Variants in UBN1 observed in about 807,000 individuals in gnomAD.
UBN1 encodes the protein ubinuclein 1.
Under a neutral mutation model 108.5 loss-of-function variants are expected in UBN1, and 17 were observed. The ratio of observed to expected loss-of-function variants is 0.16; its 90% CI spans 0.11 to 0.24. UBN1 has a LOEUF of 0.24. Ranked by LOEUF, UBN1 falls within the 10% of genes least tolerant of loss-of-function variation. The probability of loss-of-function intolerance (pLI) is 1.00; values close to 1 mark genes in which losing one functional copy is unlikely to be tolerated. For synonymous variants in UBN1, 726 were observed against 564.2 expected, an observed-to-expected ratio of 1.29 and a Z score of -4.07; for missense variants, 1,595 against 1,394.4, an observed-to-expected ratio of 1.14 and a Z score of -2.29.
chr16:4,871,446 A>G lies in UBN1; in HGVS notation c.1706+145A>G, dbSNP rs1175378548. On this transcript the variant is annotated intron_variant, in intron 12 of 17. Transcript: ENST00000262376. The stretch of plus-strand genomic sequence containing the variant: ...GATCTCACCTGAGTAACTGGGGGAC[A>G]TGCAGGTAGCTGGGAAAGGGTCTTC... The G allele has an allele frequency of 3.3e-6, 4 of 1,205,012 alleles. No homozygotes were observed. In the East Asian group the frequency reaches 7.8e-5, roughly 23 times the overall value. 74.6% of individuals were successfully genotyped at this position (1,205,012 alleles called of 1,614,324 possible).
chr16:4,867,823 C>T (rs2087411625), intron 7 of UBN1, among the ~76,000 whole-genome samples: 2 of 152,090 alleles, frequency 1.3e-5, no homozygotes, highest in East Asian at 3.8e-4. Flanking sequence ...TTGATCCCTT[C>T]ATTCTAGATA....
intron 7 of UBN1, among the ~76,000 whole-genome samples, chr16:4,862,809 G>A (rs1055097018): frequency 6.6e-6 from 1 of 152,220 alleles, no homozygotes; most frequent in Non-Finnish European, 1.5e-5. Flanking sequence ...GTGCAAGAAA[G>A]CGGAGCTGAG....
intron 2 of UBN1, among the ~76,000 whole-genome samples, chr16:4,853,532 A>C (rs890053323): frequency 8.6e-5 from 13 of 151,318 alleles, no homozygotes; most frequent in African/African-American, 1.9e-4. Context: ...AGACAAAAAA[A>C]CACGTAGACT....
chr16:4,874,808 C>T lies in UBN1; in HGVS notation c.2398C>T (p.Pro800Ser). The stretch of plus-strand genomic sequence containing the variant: ...CGGGCCCCAAGTGGCAGTTCCTGTG[C>T]CTGGCCCCCAGGTCAAAGTCTTTCA... Reference protein sequence around the residue: ...SHGPQVAVPVPGPQVKVFHAG... With the variant: ...SHGPQVAVPVSGPQVKVFHAG... The change falls in exon 15 of 18, where the codon CCT (proline) becomes TCT (serine). Residue 800 changes from proline to serine, a missense_variant. Pro to Ser is a moderately conservative substitution (Grantham distance 74). This residue lies in a region of UBN1 where 1,398 missense variants were observed against 1,194.7 expected (regional missense o/e 1.17). Coordinates refer to ENST00000262376, the MANE Select transcript of UBN1 (RefSeq NM_001079514.3). 6.2e-7 allele frequency: 1 copy of T among 1,614,096 alleles called. No homozygotes were observed. Among genetic ancestry groups the T allele is most frequent in the South Asian group, 1.1e-5 (1 of 91,092 alleles).
chr16:4,858,522 G>C, intron 3 of UBN1, 46 bp from the exon 4 acceptor site: 3 of 1,560,430 alleles, frequency 1.9e-6, no homozygotes, highest in Non-Finnish European at 2.6e-6. Flanking sequence ...AGTTAATTCT[G>C]TGTGTTTATT....
At chr16:4,853,393 A>G (rs2086644718) in intron 2 of UBN1, among the ~76,000 whole-genome samples, 1 of 151,936 alleles carries the variant, frequency 6.6e-6, no homozygotes, top group Admixed American at 6.6e-5. Flanking sequence ...AAAACAATAC[A>G]TTTTTCTCTG....
At position 4,862,501 on chromosome 16, in the gene UBN1, C is replaced by T. The variant is rs547858057; in HGVS notation, c.1110+1399C>T. Among the ~76,000 whole-genome samples the T allele has an allele frequency of 3.9e-5, 6 of 152,330 alleles. No homozygotes were observed. In the South Asian group the frequency reaches 1.2e-3, roughly 32 times the overall value. ...TCTGAACTTGGTGTTTTTGAGCCTGCTGTCCTATATTTGCTCTCAGAATTC... is the reference window on the plus strand; with the variant it reads ...TCTGAACTTGGTGTTTTTGAGCCTGTTGTCCTATATTTGCTCTCAGAATTC... On this transcript the variant is annotated intron_variant, in intron 7 of 17. Coordinates refer to ENST00000262376, the MANE Select transcript of UBN1 (RefSeq NM_001079514.3).
chr16:4,872,386 A>G, intron 12 of UBN1: 6 of 974,232 alleles, frequency 6.2e-6, no homozygotes, highest in Non-Finnish European at 7.2e-6. Flanking sequence ...TTGGGCAGCC[A>G]GTGTGTCCCA....
chr16:4,872,954 C>T lies in UBN1; in HGVS notation c.1757+20C>T. 1 of 1,614,218 alleles carries T rather than the reference C, an allele frequency of 6.2e-7. No homozygotes were observed. The highest frequency in any genetic ancestry group is 8.5e-7 in the Non-Finnish European group (1 of 1,180,036). The stretch of plus-strand genomic sequence containing the variant: ...AATCCTGTGAGTGTCTTGGTATTTT[C>T]ACATCTCGGGACAAGTGTTGTTTTT... On this transcript the variant is annotated intron_variant, in intron 13 of 17. Transcript: ENST00000262376.
At position 4,874,445 on chromosome 16, in the gene UBN1, G is replaced by A; in HGVS notation, c.2035G>A (p.Glu679Lys). The A allele has an allele frequency of 6.2e-6, 10 of 1,613,504 alleles. No homozygotes were observed. The highest frequency in any genetic ancestry group is 8.5e-6 in the Non-Finnish European group (10 of 1,179,858). The stretch of plus-strand genomic sequence containing the variant: ...CTCCTCGGTGGAAGCCGTGTCCAAG[G>A]AATTGGCTGCATTGAATAGCAGAGC... ...PASSVEAVSK[E>K]LAALNSRAAG... Residue 679 changes from glutamate to lysine, a missense_variant, in exon 15 of 18, where the codon GAA becomes AAA. Glu to Lys is a moderately conservative substitution (Grantham distance 56). Transcript: ENST00000262376.
rs755708762 is a variant in UBN1 at position 4,853,039 on chromosome 16, C to G, written c.122C>G (p.Ala41Gly). The G allele has an allele frequency of 3.1e-6, 5 of 1,614,222 alleles. No individual in the cohort carries two copies. The highest frequency in any genetic ancestry group is 4.2e-6 in the Non-Finnish European group (5 of 1,180,048). The stretch of plus-strand genomic sequence containing the variant: ...GAACAGCATCAGGACTGTGAGCCGG[C>G]TGCAGCAGCTGTTCGGATTACACTC... ...AGEQHQDCEP[A>G]AAAVRITLTL... Residue 41 changes from alanine to glycine, a missense_variant, in exon 2 of 18, where the codon GCT (alanine) becomes GGT (glycine). By Grantham distance (60) the Ala-to-Gly change is moderately conservative. This residue lies in a region of UBN1 where 181 missense variants were observed against 157.3 expected (regional missense o/e 1.15). Coordinates refer to ENST00000262376, the MANE Select transcript of UBN1 (RefSeq NM_001079514.3).
At chr16:4,878,449 C>T (rs1325770808) in intron 17 of UBN1, among the ~76,000 whole-genome samples, 1 of 152,172 alleles carries the variant, frequency 6.6e-6, no homozygotes, top group African/African-American at 2.4e-5. Flanking sequence ...TGTGCTGTGG[C>T]TCCCTGGCAC....
intron 1 of UBN1, among the ~76,000 whole-genome samples, chr16:4,849,810 T>C (rs1412355438): frequency 6.6e-6 from 1 of 151,716 alleles, no homozygotes; most frequent in African/African-American, 2.4e-5. Context: ...TTGTCCAGGC[T>C]GGTCTTAAAC....
chr16:4,877,286 T>TG lies in UBN1; in HGVS notation c.3266-97dup. ...TTTGGGTGTGGTGCCCAGACTGGCC[T>TG]GGCAGGTTATCGGGGGCTTTTGGCT... On this transcript the variant is annotated intron_variant, in intron 16 of 17. Transcript: ENST00000262376. The surrounding 1 kb of genome is among the most constrained non-coding windows in gnomAD (Gnocchi z 4.3). 6.5e-7 allele frequency: 1 copy of TG among 1,532,034 alleles called. No individual in the cohort carries two copies. The highest frequency in any genetic ancestry group is 8.8e-7 in the Non-Finnish European group (1 of 1,134,620). The allele number at this position is 1,532,034 out of a possible 1,614,324, so 94.9% of individuals were successfully genotyped here.
At chr16:4,867,619 C>T (rs758059663) in intron 7 of UBN1, among the ~76,000 whole-genome samples, 2 of 152,106 alleles carry the variant, frequency 1.3e-5, no homozygotes, top group Non-Finnish European at 2.9e-5. Context: ...TTTTGAAGCC[C>T]TGAGGGGGAA....
chr16:4,865,627 G>A lies in UBN1; in HGVS notation c.1111-3206G>A, dbSNP rs189262279. Among the ~76,000 whole-genome samples the A allele has an allele frequency of 1.1e-3, 165 of 152,220 alleles. 1 individual carries two copies. Among genetic ancestry groups the A allele is most frequent in the Middle Eastern group, 3.4e-3 (1 of 294 alleles). ...TCAAGGCTGTATGAGCTGCGATCAC[G>A]TCACTGCACTCCAGAATGGGTGACA... On this transcript the variant is annotated intron_variant, in intron 7 of 17. Transcript: ENST00000262376.
chr16:4,869,665 G>A (rs1567933843), intron 8 of UBN1, among the ~76,000 whole-genome samples: 1 of 152,214 alleles, frequency 6.6e-6, no homozygotes, highest in Non-Finnish European at 1.5e-5. Context: ...GAGAGCACCT[G>A]AGCATTGGTG....
rs116463626 is a variant in UBN1, at chr16:4,877,148, C to A, written c.3265+37C>A. 2 of 1,566,558 alleles carry A rather than the reference C, an allele frequency of 1.3e-6. No individual in the cohort carries two copies. The highest frequency in any genetic ancestry group is 2.7e-5 in the African/African-American group (2 of 73,588). ...TTTGCTGCCTCTGGTCACTCAGGAA[C>A]CTCTAGATTGTGGCCAGGGGTCCTG... On this transcript the variant is annotated intron_variant, in intron 16 of 17. Transcript: ENST00000262376. The surrounding 1 kb of genome is among the most constrained non-coding windows in gnomAD (Gnocchi z 4.3).
Position 4,874,338 on chromosome 16 carries a change from C to T in UBN1, c.1928C>T (p.Ser643Phe). The T allele has an allele frequency of 6.2e-7, 1 of 1,614,184 alleles. No homozygotes were observed. The highest frequency in any genetic ancestry group is 8.5e-7 in the Non-Finnish European group (1 of 1,180,042). ...SIGASSRELP[S>F]QASGGLANPP... is the part of the protein sequence containing the mutation. ...GGGGCCTCGAGCAGGGAGCTCCCAT[C>T]CCAGGCATCGGGCGGCCTTGCTAAC... Residue 643 changes from serine to phenylalanine, a missense_variant, in exon 15 of 18, where the codon TCC becomes TTC. This residue lies in a region of UBN1 where 1,398 missense variants were observed against 1,194.7 expected (regional missense o/e 1.17). Coordinates refer to ENST00000262376, the MANE Select transcript of UBN1 (RefSeq NM_001079514.3).
Sources: gnomAD v4.1 joint callset for allele counts (sites outside exome capture counted in the v4.1 genomes callset) on GRCh38, gnomAD v4.1.1 for gene constraint, gnomAD v4.1.1 regional missense constraint, Gnocchi (gnomAD v3.1) non-coding constraint, MANE v1.5 for transcripts, NCBI Gene and HGNC (gene_info 2026-07-23, HGNC 2026-07-21) for gene names.